CKM: variants seen among roughly 807,000 people sequenced by gnomAD.
CKM encodes the protein creatine kinase M-type.
A neutral mutation model predicts 35.4 loss-of-function variants in CKM; 28 were observed. The ratio of observed to expected loss-of-function variants is 0.79; its 90% CI spans 0.59 to 1.08. The LOEUF (loss-of-function observed/expected upper bound fraction) is 1.08. Ranked by LOEUF, CKM falls within the 50% of genes least tolerant of loss-of-function variation. The pLI is 0.00. For synonymous variants in CKM, 215 were observed against 204.4 expected, an observed-to-expected ratio of 1.05 and a Z score of -0.44; for missense variants, 484 against 509.8, an observed-to-expected ratio of 0.95 and a Z score of 0.49.
At chr19:45,316,040 G>A (rs1568511640) in intron 3 of CKM, among the ~76,000 whole-genome samples, 1 of 151,674 alleles carries the variant, frequency 6.6e-6, no homozygotes, top group Non-Finnish European at 1.5e-5. Context: ...TTTATAAATA[G>A]AGACAGGGGC....
intron 1 of CKM, among the ~76,000 whole-genome samples, chr19:45,322,152 G>C (rs1410064090): frequency 1.3e-5 from 2 of 151,682 alleles, no homozygotes; most frequent in African/African-American, 2.4e-5. Context: ...CCTCCCTTCA[G>C]AGGATGCCCC....
At chr19:45,318,049 G>A in intron 2 of CKM, 70 bp from the exon 3 acceptor site, 1 of 1,408,100 alleles carries the variant, frequency 7.1e-7, no homozygotes, top group Non-Finnish European at 1.0e-6. Context: ...TGGGCTCAGT[G>A]GAGCCTGTGT....
rs760176828 is a variant in CKM, at chr19:45,319,549, A to C, written c.165T>G (p.Asp55Glu). 4 of 1,614,064 alleles carry C rather than the reference A, an allele frequency of 2.5e-6. No homozygotes were observed. Among genetic ancestry groups the C allele is most frequent in the Non-Finnish European group, 3.4e-6 (4 of 1,180,008 alleles). Residue 55 changes from aspartate (D) to glutamate (E), a missense_variant, in exon 2 of 8, where the codon GAT becomes GAG. Physicochemically the swap from Asp to Glu is conservative, Grantham distance 45 (BLOSUM62 2). Coordinates refer to ENST00000221476, the MANE Select transcript of CKM (RefSeq NM_001824.5). ...GGTTGTCCACTCCTGTCTGGATGAC[A>C]TCGTCTACAGTGAAGCCAGATGGAG... ...KETPSGFTVD[D>E]VIQTGVDNPG...
Position 45,311,838 on chromosome 19 carries a change from G to A in CKM, c.564C>T (p.Ile188=), listed in dbSNP as rs1599816330. Residue 188 remains isoleucine, a synonymous_variant, in exon 5 of 8, where the codon ATC becomes ATT. Coordinates refer to ENST00000221476, the MANE Select transcript of CKM (RefSeq NM_001824.5). ...GCTTGTCGAACAGGAAGTGGTCATC[G>A]ATGAGCTGCTGCTGCTCCTTCTCCG... ...SMTEKEQQQL[I]DDHFLFDKPV... The A allele has an allele frequency of 2.5e-6, 4 of 1,613,462 alleles. No individual in the cohort carries two copies. The highest frequency in any genetic ancestry group is 2.2e-5 in the East Asian group (1 of 44,892).
At chr19:45,320,979 C>T (rs1337518517) in intron 1 of CKM, among the ~76,000 whole-genome samples, 2 of 152,046 alleles carry the variant, frequency 1.3e-5, no homozygotes, top group African/African-American at 4.8e-5. Context: ...CAGTTCACTG[C>T]AACCTCCACC....
At chr19:45,308,283 C>T (rs1971074180) in intron 6 of CKM, 126 bp downstream of exon 6, 3 of 1,230,594 alleles carry the variant, frequency 2.4e-6, no homozygotes, top group Non-Finnish European at 3.5e-6. Flanking sequence ...GGAGCCAGGT[C>T]CGGGGGGCAG....
At chr19:45,307,700 A>C in intron 6 of CKM, 50 bp from the exon 7 acceptor site, 7 of 1,479,722 alleles carry the variant, frequency 4.7e-6, no homozygotes, top group South Asian at 1.1e-5. Context: ...GCACCCCCAA[A>C]TGCACCCGCA....
chr19:45,319,691 T>A lies in CKM; in HGVS notation c.23A>T (p.Asn8Ile). 1 of 1,614,234 alleles carries A rather than the reference T, an allele frequency of 6.2e-7. No homozygotes were observed. Among genetic ancestry groups the A allele is most frequent in the Non-Finnish European group, 8.5e-7 (1 of 1,180,032 alleles). The stretch of plus-strand genomic sequence containing the variant: ...AGGCTTGTAATTCAGCTTGAACTTG[T>A]TGTGGGTGTTACCGAATGGCATGGT... MPFGNTH[N>I]KFKLNYKPEE... Residue 8 changes from asparagine (N) to isoleucine (I), a missense_variant, in exon 2 of 8, where the codon AAC becomes ATC. Coordinates refer to ENST00000221476, the MANE Select transcript of CKM (RefSeq NM_001824.5).
intron 4 of CKM, among the ~76,000 whole-genome samples, chr19:45,315,115 T>C (rs1381069613): frequency 6.6e-6 from 1 of 152,098 alleles, no homozygotes; most frequent in African/African-American, 2.4e-5. Context: ...GTATTTCCTC[T>C]TGTCTCCCCA....
Position 45,317,934 on chromosome 19 carries a change from T to C in CKM, c.239A>G (p.Glu80Gly). Reference protein sequence around the residue: ...MTVGCVAGDEESYEVFKELFD... With the variant: ...MTVGCVAGDEGSYEVFKELFD... ...GAGTTCCTTGAAAACTTCGTAGGACTCCTCATCACCAGCCACGCAGCCCAC... is the reference window on the plus strand; with the variant it reads ...GAGTTCCTTGAAAACTTCGTAGGACCCCTCATCACCAGCCACGCAGCCCAC... The change falls in exon 3 of 8, where the codon GAG becomes GGG. Residue 80 changes from glutamate to glycine, a missense_variant. Physicochemically the swap from Glu to Gly is moderately conservative, Grantham distance 98. Coordinates refer to ENST00000221476, the MANE Select transcript of CKM (RefSeq NM_001824.5). 1.2e-6 allele frequency: 2 copies of C among 1,613,814 alleles called. No individual in the cohort carries two copies. The highest frequency in any genetic ancestry group is 1.3e-5 in the African/African-American group (1 of 74,956).
At chr19:45,319,942 C>T (rs1355351021) in intron 1 of CKM, among the ~76,000 whole-genome samples, 1 of 152,056 alleles carries the variant, frequency 6.6e-6, no homozygotes, top group Non-Finnish European at 1.5e-5. Flanking sequence ...AGGCGCCCGC[C>T]ACCACGCCGG....
At chr19:45,322,622 G>C (rs1455156436) in intron 1 of CKM, among the ~76,000 whole-genome samples, 199 bp downstream of exon 1, 1 of 152,158 alleles carries the variant, frequency 6.6e-6, no homozygotes, top group Non-Finnish European at 1.5e-5. Context: ...GGTCCCAGTG[G>C]GGGGTTCAGG....
At chr19:45,316,912 C>T (rs948171888) in intron 3 of CKM, among the ~76,000 whole-genome samples, 1 of 151,714 alleles carries the variant, frequency 6.6e-6, no homozygotes, top group African/African-American at 2.4e-5. Context: ...GTCTCGAACT[C>T]CTGACCTTAT....
At chr19:45,314,167 A>G (rs7254199) in intron 4 of CKM, among the ~76,000 whole-genome samples, 258 of 149,856 alleles carry the variant, frequency 1.7e-3, no homozygotes, top group African/African-American at 6.2e-3. Context: ...GAGGAAGAAA[A>G]GAAAGGAAAG....
chr19:45,315,849 C>CTTTTTTTTTTTTTTTTTTTTTTTTTTT (rs376961493), intron 3 of CKM, among the ~76,000 whole-genome samples: 1 of 135,622 alleles, frequency 7.4e-6, no homozygotes, highest in Non-Finnish European at 1.6e-5. Context: ...ATTTCTTTTC[C>CTTTTTTTTTTTTTTTTTTTTTTTTTTT]TTTTTTTTCT....
chr19:45,310,310 C>A (rs545979796), intron 5 of CKM, among the ~76,000 whole-genome samples: 2 of 151,698 alleles, frequency 1.3e-5, no homozygotes, highest in Non-Finnish European at 2.9e-5. Flanking sequence ...TTAGTAGAGA[C>A]GGGGTTTCAC....
intron 3 of CKM, among the ~76,000 whole-genome samples, chr19:45,317,295 A>G (rs1484868358): frequency 6.7e-6 from 1 of 150,234 alleles, no homozygotes; most frequent in African/African-American, 2.5e-5. Flanking sequence ...TTATTTATTT[A>G]TTTATTTTTT....
At chr19:45,316,429 G>C (rs537118839) in intron 3 of CKM, among the ~76,000 whole-genome samples, 1 of 151,260 alleles carries the variant, frequency 6.6e-6, no homozygotes, top group Non-Finnish European at 1.5e-5. Context: ...CTCCCAACGT[G>C]ATGGGATTAC....
At chr19:45,320,932 G>A (rs548279545) in intron 1 of CKM, among the ~76,000 whole-genome samples, 8 of 145,046 alleles carry the variant, frequency 5.5e-5, no homozygotes, top group Non-Finnish European at 1.1e-4. Context: ...ACAGAGTCTC[G>A]CTCTGTCGCC....
Sources: allele counts gnomAD v4.1 joint callset (sites outside exome capture counted in the v4.1 genomes callset), GRCh38; gene constraint gnomAD v4.1.1; transcripts MANE v1.5; gene names NCBI Gene and HGNC (gene_info 2026-07-23, HGNC 2026-07-21).